Variants in PDE11A observed in about 807,000 individuals in gnomAD.
PDE11A encodes dual 3',5'-cyclic-AMP and -GMP phosphodiesterase 11A.
Under a neutral mutation model 100.5 loss-of-function variants are expected in PDE11A, and 100 were observed. The ratio of observed to expected loss-of-function variants is 1.00; its 90% CI spans 0.85 to 1.18. The LOEUF (loss-of-function observed/expected upper bound fraction) is 1.18. PDE11A is among the 50% of genes most tolerant of loss of function. The pLI is 0.00. For missense variants in PDE11A, 1,141 were observed against 1,152.6 expected (o/e 0.99, Z 0.15); for synonymous variants, 381 against 420.8 (o/e 0.91, Z 1.16).
At chr2:177,979,609 A>ATTTTTTTTTT (rs2085854850) in intron 2 of PDE11A, among the ~76,000 whole-genome samples, 1 of 72,550 alleles carries the variant, frequency 1.4e-5, no homozygotes, top group East Asian at 3.6e-4. Flanking sequence ...TCCTCAGATG[A>ATTTTTTTTTT]TCTTTTTTTT....
At chr2:177,903,676 A>G (rs1006887504) in intron 3 of PDE11A, among the ~76,000 whole-genome samples, 1 of 152,240 alleles carries the variant, frequency 6.6e-6, no homozygotes, top group Non-Finnish European at 1.5e-5. Context: ...GTGGCAGTAG[A>G]TACAAGGCAA....
intron 2 of PDE11A, among the ~76,000 whole-genome samples, chr2:177,907,537 G>A (rs1231310783): frequency 6.6e-6 from 1 of 152,200 alleles, no homozygotes; most frequent in Non-Finnish European, 1.5e-5. Flanking sequence ...CCAGTTTGCA[G>A]ATTAGAAAAC....
intron 10 of PDE11A, among the ~76,000 whole-genome samples, chr2:177,729,437 CTTTT>C (rs1193890934): frequency 2.0e-5 from 3 of 152,162 alleles, no homozygotes; most frequent in Non-Finnish European, 2.9e-5. Context: ...TTCTCTCTTT[CTTTT>C]GTTTCTCTAG....
At chr2:177,814,534 A>G (rs2083006400) in intron 9 of PDE11A, among the ~76,000 whole-genome samples, 2 of 152,146 alleles carry the variant, frequency 1.3e-5, no homozygotes, top group Non-Finnish European at 2.9e-5. Flanking sequence ...GCAAGATGGC[A>G]ACACCATAAT....
chr2:178,060,937 C>CTTTTTTTTTTTTTTTTTTTTTTTTTTT, intron 1 of PDE11A, among the ~76,000 whole-genome samples: 1 of 75,678 alleles, frequency 1.3e-5, no homozygotes, highest in Non-Finnish European at 2.3e-5. Context: ...TGTAAATATT[C>CTTTTTTTTTTTTTTTTTTTTTTTTTTT]TTTTTTTTTT....
chr2:178,012,702 C>T (rs2105826182), intron 2 of PDE11A, among the ~76,000 whole-genome samples: 1 of 152,288 alleles, frequency 6.6e-6, no homozygotes, highest in East Asian at 1.9e-4. Flanking sequence ...AAGAAAAGTC[C>T]AGAAAACAAA....
At chr2:178,026,260 A>G (rs1372241031) in intron 1 of PDE11A, among the ~76,000 whole-genome samples, 1 of 152,226 alleles carries the variant, frequency 6.6e-6, no homozygotes, top group Non-Finnish European at 1.5e-5. Flanking sequence ...AAATACCAGA[A>G]TTTATAGAGT....
In PDE11A at chr2:177,701,157, G is replaced by A. The variant is rs199620084; in HGVS notation, c.2208C>T (p.His736=). The A allele has an allele frequency of 2.5e-5, 40 of 1,607,424 alleles. No individual in the cohort carries two copies. Among genetic ancestry groups the A allele is most frequent in the Non-Finnish European group, 3.0e-5 (35 of 1,174,044 alleles). ...LYGTSATLEH[H]HFNHAVMILQ... Reference sequence around the variant, plus strand: ...GGATCATCACGGCGTGGTTGAAATGGTGATGCTCCAAGGTAGCAGAGGTTC... The same window carrying A: ...GGATCATCACGGCGTGGTTGAAATGATGATGCTCCAAGGTAGCAGAGGTTC... Residue 736 remains histidine (H), a synonymous_variant, in exon 14 of 20, where the codon CAC becomes CAT. Coordinates refer to ENST00000286063, the MANE Select transcript of PDE11A (RefSeq NM_016953.4).
chr2:177,748,999 C>A (rs188575186), intron 10 of PDE11A, among the ~76,000 whole-genome samples: 2 of 152,236 alleles, frequency 1.3e-5, no homozygotes, highest in East Asian at 1.9e-4. Flanking sequence ...ATAGCTTTTA[C>A]CACAACTAGA....
chr2:178,087,636 A>G lies in PDE11A; in HGVS notation c.162+16666T>C, dbSNP rs558378096. Among the ~76,000 whole-genome samples, 4 of 152,314 alleles carry G rather than the reference A, an allele frequency of 2.6e-5. No individual in the cohort carries two copies. In the South Asian group the frequency reaches 6.2e-4, roughly 24 times the overall value. On this transcript the variant is annotated intron_variant, in intron 2 of 20. Coordinates refer to the PDE11A transcript ENST00000358450. ...AGATTACTTAATGGGTACAGTGTAC[A>G]TTATTTGGGTGATGGATACCCTAAA...
At chr2:178,036,516 A>G (rs2086616348) in intron 1 of PDE11A, among the ~76,000 whole-genome samples, 1 of 152,204 alleles carries the variant, frequency 6.6e-6, no homozygotes, top group African/African-American at 2.4e-5. Flanking sequence ...AATTAGAAAA[A>G]AACTACTTTA....
intron 1 of PDE11A, among the ~76,000 whole-genome samples, chr2:178,024,883 T>C (rs2086459680): frequency 6.6e-6 from 1 of 152,228 alleles, no homozygotes. Context: ...AGGCAAAGCT[T>C]TCGAAAATTG....
intron 6 of PDE11A, among the ~76,000 whole-genome samples, chr2:177,839,824 G>A (rs1246891042): frequency 2.0e-5 from 3 of 152,158 alleles, no homozygotes; most frequent in Admixed American, 6.5e-5. Flanking sequence ...ACCTTAGAAT[G>A]TAAACTTCAA....
At chr2:178,030,654 T>G (rs915550269) in intron 1 of PDE11A, among the ~76,000 whole-genome samples, 1 of 152,008 alleles carries the variant, frequency 6.6e-6, no homozygotes, top group Non-Finnish European at 1.5e-5. Context: ...CACAGAAAGA[T>G]TGCTTGAGCC....
intron 2 of PDE11A, among the ~76,000 whole-genome samples, chr2:177,951,025 G>T (rs2085499479): frequency 6.6e-6 from 1 of 152,152 alleles, no homozygotes; most frequent in Non-Finnish European, 1.5e-5. Flanking sequence ...TAACATTATT[G>T]ATATATGCAA....
upstream of PDE11A, among the ~76,000 whole-genome samples, chr2:178,074,885 T>A (rs530667277): frequency 6.6e-6 from 1 of 152,176 alleles, no homozygotes; most frequent in South Asian, 2.1e-4. Flanking sequence ...AATGAGAAAG[T>A]GACAGAAAGC....
intron 2 of PDE11A, among the ~76,000 whole-genome samples, chr2:177,995,701 T>G (rs1406859978): frequency 2.7e-5 from 4 of 149,208 alleles, no homozygotes; most frequent in Non-Finnish European, 5.9e-5. Context: ...ACTTATACAA[T>G]AATTTTGATT....
intron 4 of PDE11A, among the ~76,000 whole-genome samples, chr2:177,886,362 A>G (rs2084429191): frequency 6.6e-6 from 1 of 152,216 alleles, no homozygotes. Context: ...GTCAGGAGAA[A>G]GGGCTAGAAC....
chr2:177,675,801 A>G (rs1468810622), intron 16 of PDE11A: 1 of 547,296 alleles, frequency 1.8e-6, no homozygotes, highest in Non-Finnish European at 3.4e-6. Flanking sequence ...TGTACACCTG[A>G]GCTAAGCAAG....
Sources: allele counts gnomAD v4.1 joint callset (sites outside exome capture counted in the v4.1 genomes callset), GRCh38; gene constraint gnomAD v4.1.1; transcripts MANE v1.5; gene names NCBI Gene and HGNC (gene_info 2026-07-23, HGNC 2026-07-21).